Variants in PPP1R8 observed in about 807,000 individuals in gnomAD.
The protein encoded by PPP1R8 is protein phosphatase 1 regulatory subunit 8.
A neutral mutation model predicts 31.3 loss-of-function variants in PPP1R8; 4 were observed. The observed-to-expected ratio is 0.13, with a 90% CI of 0.06 to 0.29. The LOEUF is 0.29. Ranked by LOEUF, PPP1R8 falls within the 10% of genes least tolerant of loss-of-function variation. The pLI is 1.00. For synonymous variants in PPP1R8, 170 were observed against 169.7 expected (o/e 1.00, Z -0.01); for missense variants, 254 against 440.1 (o/e 0.58, Z 3.78).
intron 2 of PPP1R8, among the ~76,000 whole-genome samples, chr1:27,836,017 T>C (rs1452250819): frequency 5.3e-5 from 8 of 152,178 alleles, no homozygotes; most frequent in Admixed American, 4.6e-4. Context: ...TTTGGTTTTG[T>C]AAGGGGATAA....
At chr1:27,840,957 C>A in intron 3 of PPP1R8, 57 bp from the exon 4 acceptor site, 1 of 1,567,250 alleles carries the variant, frequency 6.4e-7, no homozygotes, top group Non-Finnish European at 8.8e-7. Flanking sequence ...ACTCTTCCTT[C>A]TAAAACTCAG....
chr1:27,849,438 AGGGT>A, intron 6 of PPP1R8, among the ~76,000 whole-genome samples: 1 of 152,038 alleles, frequency 6.6e-6, no homozygotes, highest in Admixed American at 6.5e-5. Context: ...CCCTCAAAAA[AGGGT>A]AAAATATCTA....
chr1:27,837,387 C>A (rs1041069576), intron 2 of PPP1R8, among the ~76,000 whole-genome samples: 3 of 150,048 alleles, frequency 2.0e-5, no homozygotes, highest in Non-Finnish European at 4.4e-5. Context: ...GCCGAGATCA[C>A]GCCACTGCAC....
intron 3 of PPP1R8, among the ~76,000 whole-genome samples, chr1:27,840,363 G>A (rs770142626): frequency 7.9e-5 from 12 of 152,122 alleles, no homozygotes; most frequent in Admixed American, 1.3e-4. Flanking sequence ...GCTTTGTCTC[G>A]CAAATACTTA....
chr1:27,845,644 T>C (rs544335704), intron 5 of PPP1R8, among the ~76,000 whole-genome samples: 2 of 152,096 alleles, frequency 1.3e-5, no homozygotes, highest in East Asian at 1.9e-4. Context: ...GTGTCCTCTT[T>C]AAAGGCATGG....
At chr1:27,848,141 G>T (rs912421500) in intron 6 of PPP1R8, among the ~76,000 whole-genome samples, 2 of 152,104 alleles carry the variant, frequency 1.3e-5, no homozygotes, top group Non-Finnish European at 2.9e-5. Context: ...GGTGGCTCAC[G>T]CCTGTAATCC....
chr1:27,834,351 C>T (rs1203671161), intron 2 of PPP1R8: 3 of 499,716 alleles, frequency 6.0e-6, no homozygotes, highest in Non-Finnish European at 1.2e-5. Flanking sequence ...TCACTGTATT[C>T]TTGAGAGGCG....
Position 27,834,721 on chromosome 1 carries a change from TC to T in PPP1R8, c.117+1907del, listed in dbSNP as rs369341977. Reference sequence around the variant, plus strand: ...AAGACATACTGTTTTCTGTTAAAATTCCATACATTTTGGCCAGGTGCGGTGG... The same window carrying T: ...AAGACATACTGTTTTCTGTTAAAATTCATACATTTTGGCCAGGTGCGGTGG... On this transcript the variant is annotated intron_variant, in intron 2 of 6. Transcript: ENST00000311772. 1.8e-3 allele frequency among the ~76,000 whole-genome samples: 273 copies of T among 152,302 alleles called. 1 individual carries two copies. The highest frequency in any genetic ancestry group is 6.4e-3 in the African/African-American group (266 of 41,574).
At chr1:27,832,720 A>C in intron 1 of PPP1R8, 36 bp from the exon 2 acceptor site, 1 of 1,559,392 alleles carries the variant, frequency 6.4e-7, no homozygotes, top group Non-Finnish European at 8.8e-7. Context: ...TTATAAACCC[A>C]TCCTGAAAAT....
intron 1 of PPP1R8, chr1:27,831,110 C>T: frequency 7.4e-7 from 1 of 1,352,198 alleles, no homozygotes. Context: ...GTTGGGGGCT[C>T]AAAGGCGCTC....
chr1:27,834,415 A>T, intron 2 of PPP1R8: 1 of 518,748 alleles, frequency 1.9e-6, no homozygotes. Flanking sequence ...ACTTGATACT[A>T]ACCGAGCTGT....
intron 5 of PPP1R8, among the ~76,000 whole-genome samples, chr1:27,844,136 G>C (rs1247231017): frequency 6.6e-6 from 1 of 151,892 alleles, no homozygotes; most frequent in Non-Finnish European, 1.5e-5. Flanking sequence ...CTGAGTATCT[G>C]GGACAACAGG....
intron 6 of PPP1R8, among the ~76,000 whole-genome samples, chr1:27,849,890 G>A (rs867393862): frequency 3.9e-5 from 6 of 152,184 alleles, no homozygotes; most frequent in Non-Finnish European, 7.3e-5. Flanking sequence ...GGGAACCATC[G>A]TAGATGACTG....
chr1:27,845,762 T>G (rs1174692231), intron 5 of PPP1R8, among the ~76,000 whole-genome samples: 1 of 147,128 alleles, frequency 6.8e-6, no homozygotes, highest in East Asian at 2.0e-4. Context: ...TTTCTGGGAG[T>G]TTTTCTTTCT....
At chr1:27,837,137 A>T (rs889822466) in intron 2 of PPP1R8, among the ~76,000 whole-genome samples, 1 of 150,286 alleles carries the variant, frequency 6.7e-6, no homozygotes, top group Non-Finnish European at 1.5e-5. Flanking sequence ...TCTTCATACA[A>T]TTGTTGATCT....
At position 27,850,212 on chromosome 1, in the gene PPP1R8, A is replaced by C. The variant is rs2089328389; in HGVS notation, c.822A>C (p.Ala274=). 5.0e-6 allele frequency: 8 copies of C among 1,614,108 alleles called. No homozygotes were observed. Among genetic ancestry groups the C allele is most frequent in the South Asian group, 1.1e-5 (1 of 91,092 alleles). Residue 274 remains alanine (A), a synonymous_variant, in exon 7 of 7, where the codon GCA becomes GCC. Transcript: ENST00000311772. Reference sequence around the variant, plus strand: ...GCCTGCCCCCCACACACAGTGAAGCAGGCTCCCAGCCACATGGCATCCATG... The same window carrying C: ...GCCTGCCCCCCACACACAGTGAAGCCGGCTCCCAGCCACATGGCATCCATG... ...YGGLPPTHSE[A]GSQPHGIHGT... is the part of the protein sequence containing the mutation.
In PPP1R8 at chr1:27,837,197, T is replaced by C. The variant is rs1360976913; in HGVS notation, c.118-1502T>C. On this transcript the variant is annotated intron_variant, in intron 2 of 6. Coordinates refer to ENST00000311772, the MANE Select transcript of PPP1R8 (RefSeq NM_014110.5). ...CTGTAATCCCAGCACTTTGGGAGTCTGAGGCGGGTGGATCATGAGGTCAGG... is the reference window on the plus strand; with the variant it reads ...CTGTAATCCCAGCACTTTGGGAGTCCGAGGCGGGTGGATCATGAGGTCAGG... Among the ~76,000 whole-genome samples the C allele has an allele frequency of 7.2e-5, 11 of 152,108 alleles. No homozygotes were observed. The South Asian group carries it at 1.2e-3, about 17-fold the overall frequency.
chr1:27,832,916 T>C, intron 2 of PPP1R8, 100 bp downstream of exon 2: 5 of 992,290 alleles, frequency 5.0e-6, no homozygotes, highest in Non-Finnish European at 7.6e-6. Context: ...TTTCCAGCAA[T>C]GCTACTTTCT....
At chr1:27,839,622 G>A (rs371914949) in intron 3 of PPP1R8, among the ~76,000 whole-genome samples, 2 of 152,196 alleles carry the variant, frequency 1.3e-5, no homozygotes, top group African/African-American at 4.8e-5. Flanking sequence ...TTCTGTTTCA[G>A]CAGAAGCCAT....
Sources: gnomAD v4.1 joint callset for allele counts (sites outside exome capture counted in the v4.1 genomes callset) on GRCh38, gnomAD v4.1.1 for gene constraint, MANE v1.5 for transcripts, NCBI Gene and HGNC (gene_info 2026-07-23, HGNC 2026-07-21) for gene names.